The following GULP1 variants were observed in gnomAD, a reference collection of about 807,000 sequenced individuals.
The protein encoded by GULP1 is PTB domain-containing engulfment adapter protein 1.
GULP1 carries 19 observed loss-of-function variants against 40.9 expected under a neutral mutation model. That is an observed-to-expected ratio of 0.46 (90% CI 0.32 to 0.68). GULP1 has a LOEUF of 0.68. Among genes scored for constraint, GULP1 ranks in the 30% least tolerant of loss-of-function variants. The pLI, the probability that GULP1 is intolerant of heterozygous loss-of-function variation, is 0.03. For missense variants in GULP1, 312 were observed against 362.2 expected (o/e 0.86, Z 1.12); for synonymous variants, 119 against 117.6 (o/e 1.01, Z -0.08).
chr2:188,308,153 T>G (rs1432469103), intron 1 of GULP1, among the ~76,000 whole-genome samples: 1 of 152,130 alleles, frequency 6.6e-6, no homozygotes, highest in African/African-American at 2.4e-5. Context: ...AGCATCCACA[T>G]GTGTTCAGAC....
At chr2:188,581,233 C>T (rs756869173) in intron 9 of GULP1, among the ~76,000 whole-genome samples, 1 of 152,098 alleles carries the variant, frequency 6.6e-6, no homozygotes, top group Non-Finnish European at 1.5e-5. Flanking sequence ...GTATTCAGTA[C>T]TTTTCTACTG....
intron 2 of GULP1, among the ~76,000 whole-genome samples, chr2:188,463,177 T>G (rs1041029571): frequency 5.3e-5 from 8 of 152,196 alleles, no homozygotes; most frequent in Non-Finnish European, 1.0e-4. Context: ...AAGTATTCCC[T>G]TTAGCATTTC....
chr2:188,498,836 T>G (rs1262871306), intron 4 of GULP1, among the ~76,000 whole-genome samples: 2 of 151,752 alleles, frequency 1.3e-5, no homozygotes, highest in African/African-American at 2.4e-5. Flanking sequence ...TCCATGAATA[T>G]GTACAATTAT....
At chr2:188,588,323 A>G (rs144100354) in intron 11 of GULP1, 1 of 197,564 alleles carries the variant, frequency 5.1e-6, no homozygotes, top group Admixed American at 5.4e-5. Context: ...AAATGGGTAG[A>G]TGAAGGAAAA....
At chr2:188,544,265 G>C (rs1446568929) in intron 7 of GULP1, among the ~76,000 whole-genome samples, 2 of 151,994 alleles carry the variant, frequency 1.3e-5, no homozygotes, top group African/African-American at 4.8e-5. Flanking sequence ...ACACATAGAT[G>C]TCAGAGATAT....
chr2:188,327,896 A>G (rs779171427), intron 1 of GULP1, among the ~76,000 whole-genome samples: 5 of 152,182 alleles, frequency 3.3e-5, no homozygotes, highest in Non-Finnish European at 5.9e-5. Context: ...TCAGTGTATA[A>G]TGAAGTTATT....
intron 1 of GULP1, among the ~76,000 whole-genome samples, chr2:188,371,226 G>T (rs977242977): frequency 6.6e-6 from 1 of 151,856 alleles, no homozygotes; most frequent in African/African-American, 2.4e-5. Context: ...TTCTTGGCAG[G>T]TATTAATAGA....
At chr2:188,293,514 A>C (rs778124653) in intron 1 of GULP1, among the ~76,000 whole-genome samples, 2 of 152,224 alleles carry the variant, frequency 1.3e-5, no homozygotes, top group Non-Finnish European at 2.9e-5. Context: ...ATTATTAGAC[A>C]GAGTGAATGT....
At chr2:188,565,376 T>C (rs10188279) in intron 7 of GULP1, among the ~76,000 whole-genome samples, 3,259 of 152,044 alleles carry the variant, frequency 0.021, 122 homozygotes, top group African/African-American at 0.074. Flanking sequence ...AAGTGGGCAG[T>C]AGACTTCTAC....
At chr2:188,474,431 T>G (rs920533862) in intron 2 of GULP1, among the ~76,000 whole-genome samples, 9 of 152,130 alleles carry the variant, frequency 5.9e-5, no homozygotes, top group African/African-American at 1.9e-4. Context: ...ATCAGACATA[T>G]CCCTCTGGCT....
At chr2:188,579,903 C>T (rs1449372171) in intron 9 of GULP1, among the ~76,000 whole-genome samples, 3 of 152,142 alleles carry the variant, frequency 2.0e-5, no homozygotes, top group South Asian at 2.1e-4. Context: ...TTTTGGCCAA[C>T]ATATATCCTA....
At chr2:188,466,444 A>ATTTTTTT (rs60944877) in intron 2 of GULP1, 4 of 118,200 alleles carry the variant, frequency 3.4e-5, no homozygotes, top group African/African-American at 6.3e-5. Context: ...TGCCCAGCTA[A>ATTTTTTT]TTTTTTTTTT....
At chr2:188,481,342 A>AT (rs935537425) in intron 3 of GULP1, among the ~76,000 whole-genome samples, 1 of 151,816 alleles carries the variant, frequency 6.6e-6, no homozygotes, top group African/African-American at 2.4e-5. Context: ...TTATTTTGTC[A>AT]TTTTTTTGCC....
At chr2:188,397,454 G>A (rs1291727440) in intron 2 of GULP1, among the ~76,000 whole-genome samples, 1 of 152,072 alleles carries the variant, frequency 6.6e-6, no homozygotes, top group Non-Finnish European at 1.5e-5. Flanking sequence ...TGAGGACTGG[G>A]TCATTATTTA....
intron 4 of GULP1, among the ~76,000 whole-genome samples, chr2:188,514,324 T>C (rs2064960148): frequency 1.3e-5 from 2 of 152,328 alleles, no homozygotes; most frequent in East Asian, 3.9e-4. Flanking sequence ...AGAAATATGG[T>C]GTAGGAACTT....
At chr2:188,385,426 T>A (rs1039712288) in intron 2 of GULP1, among the ~76,000 whole-genome samples, 1 of 152,024 alleles carries the variant, frequency 6.6e-6, no homozygotes. Context: ...CAGGAAATCA[T>A]TTTTTCCTCC....
chr2:188,369,684 T>C (rs969829855), intron 1 of GULP1, among the ~76,000 whole-genome samples: 1 of 152,312 alleles, frequency 6.6e-6, no homozygotes, highest in Admixed American at 6.5e-5. Context: ...TTCTTATCAC[T>C]TATACTTATT....
intron 5 of GULP1, among the ~76,000 whole-genome samples, chr2:188,526,003 T>C (rs1686075653): frequency 6.6e-6 from 1 of 152,266 alleles, no homozygotes; most frequent in African/African-American, 2.4e-5. Flanking sequence ...AGGCCCGAAG[T>C]AGTAAATTAA....
At chr2:188,406,607 T>C (rs1221585117) in intron 2 of GULP1, among the ~76,000 whole-genome samples, 1 of 150,872 alleles carries the variant, frequency 6.6e-6, no homozygotes, top group Non-Finnish European at 1.5e-5. Context: ...AGCAGCAGAG[T>C]TGTTCAAACA....
Sources: gnomAD v4.1 joint callset for allele counts (sites outside exome capture counted in the v4.1 genomes callset) on GRCh38, gnomAD v4.1.1 for gene constraint, MANE v1.5 for transcripts, NCBI Gene and HGNC (gene_info 2026-07-23, HGNC 2026-07-21) for gene names.